Variants in BCL2L13 observed in about 807,000 individuals in gnomAD.
BCL2L13 encodes BCL2 like 13.
Under a neutral mutation model 25.8 loss-of-function variants are expected in BCL2L13, and 13 were observed. The observed-to-expected ratio is 0.50, with a 90% confidence interval of 0.33 to 0.80. The LOEUF (loss-of-function observed/expected upper bound fraction) is 0.80. Ranked by LOEUF, BCL2L13 falls within the 30% of genes least tolerant of loss-of-function variation. BCL2L13 has a pLI of 0.02. For synonymous variants in BCL2L13, 244 were observed against 230.3 expected, an observed-to-expected ratio of 1.06 and a Z score of -0.54; for missense variants, 504 against 574.9, an observed-to-expected ratio of 0.88 and a Z score of 1.26.
intron 1 of BCL2L13, among the ~76,000 whole-genome samples, chr22:17,644,334 CTT>C (rs34881981): frequency 1.9e-4 from 26 of 139,352 alleles, no homozygotes; most frequent in Non-Finnish European, 1.2e-4. Flanking sequence ...TTTAATAATT[CTT>C]TTTTTTTTTT....
chr22:17,693,372 G>GGTTTTT (rs2060166879), intron 4 of BCL2L13, among the ~76,000 whole-genome samples: 1 of 70,612 alleles, frequency 1.4e-5, no homozygotes, highest in Non-Finnish European at 2.7e-5. Flanking sequence ...TTTAGTGTTT[G>GGTTTTT]TTTTTTTTTT....
Position 17,646,716 on chromosome 22 carries a change from C to CTTTTTTT in BCL2L13, c.-51+7845_-51+7851dup, listed in dbSNP as rs10684670. On this transcript the variant is annotated intron_variant, in intron 1 of 6. Coordinates refer to ENST00000317582, the MANE Select transcript of BCL2L13 (RefSeq NM_015367.4). ...TTGAAAAGAATCTTGAAATATCTGT[C>CTTTTTTT]TTTTTTTTTTTTTTTTTTTTTGAGA... Among the ~76,000 whole-genome samples the CTTTTTTT allele has an allele frequency of 1.2e-3, 110 of 89,156 alleles. 4 individuals carry two copies. The highest frequency in any genetic ancestry group is 2.9e-3 in the East Asian group (7 of 2,442). 58.5% of individuals were successfully genotyped at this position (89,156 alleles called of 152,430 possible). A position where few individuals can be genotyped will look rare whatever the true frequency, so the allele number is the denominator to read the frequency against.
chr22:17,663,611 C>T (rs567632934), intron 2 of BCL2L13, among the ~76,000 whole-genome samples: 6 of 151,424 alleles, frequency 4.0e-5, no homozygotes, highest in Non-Finnish European at 7.4e-5. Flanking sequence ...TTCATATTTA[C>T]ATGTTCTATA....
At chr22:17,723,700 C>T (rs533926855) in intron 6 of BCL2L13, among the ~76,000 whole-genome samples, 4 of 152,100 alleles carry the variant, frequency 2.6e-5, no homozygotes, top group African/African-American at 4.8e-5. Flanking sequence ...TTTGGGAGGC[C>T]GAGGTAGGTG....
chr22:17,697,657 A>AT (rs1346752835), intron 5 of BCL2L13, among the ~76,000 whole-genome samples: 2 of 152,146 alleles, frequency 1.3e-5, no homozygotes, highest in Non-Finnish European at 2.9e-5. Flanking sequence ...AACAGCAGCT[A>AT]TTATATTAGC....
intron 5 of BCL2L13, among the ~76,000 whole-genome samples, chr22:17,701,777 T>C (rs2060442338): frequency 6.6e-6 from 1 of 151,944 alleles, no homozygotes; most frequent in Admixed American, 6.6e-5. Context: ...AATACAAAAA[T>C]TAGCCAGGCG....
chr22:17,637,840 C>A (rs1174202219), upstream of BCL2L13, among the ~76,000 whole-genome samples: 4 of 152,160 alleles, frequency 2.6e-5, no homozygotes, highest in African/African-American at 9.7e-5. Flanking sequence ...TTAGAATAGC[C>A]TTGTTGAGAT....
chr22:17,693,537 G>A (rs765311742), intron 4 of BCL2L13, among the ~76,000 whole-genome samples: 2 of 151,332 alleles, frequency 1.3e-5, no homozygotes, highest in African/African-American at 2.4e-5. Flanking sequence ...GCGCCAACAC[G>A]CGCAGCTAAT....
chr22:17,721,305 A>C (rs2061121947), intron 6 of BCL2L13, among the ~76,000 whole-genome samples: 1 of 152,164 alleles, frequency 6.6e-6, no homozygotes, highest in African/African-American at 2.4e-5. Flanking sequence ...GTATCTACTA[A>C]TCTCATGTTC....
intron 1 of BCL2L13, among the ~76,000 whole-genome samples, chr22:17,639,934 A>G (rs2058212237): frequency 6.6e-6 from 1 of 150,848 alleles, no homozygotes; most frequent in Admixed American, 6.6e-5. Context: ...AGCTTACCGC[A>G]ACCTCCGCCT....
chr22:17,671,870 C>T (rs1421628941), intron 2 of BCL2L13, among the ~76,000 whole-genome samples: 2 of 152,140 alleles, frequency 1.3e-5, no homozygotes, highest in South Asian at 2.1e-4. Context: ...CGCGCCATCA[C>T]GCCCAGCCAA....
intron 6 of BCL2L13, chr22:17,706,972 C>G (rs2060611857): frequency 1.2e-5 from 7 of 567,588 alleles, no homozygotes; most frequent in Non-Finnish European, 1.8e-5. Flanking sequence ...TAATCTTTGT[C>G]ATTTTCTCTT....
chr22:17,664,007 C>G (rs1465697726), intron 2 of BCL2L13, among the ~76,000 whole-genome samples: 1 of 152,166 alleles, frequency 6.6e-6, no homozygotes, highest in Non-Finnish European at 1.5e-5. Context: ...CGCCACCATG[C>G]CTGGCTAATT....
rs181367015 is a variant in BCL2L13 at position 17,662,456 on chromosome 22, C to T, written c.121+6624C>T. Among the ~76,000 whole-genome samples the T allele has an allele frequency of 9.2e-5, 14 of 152,088 alleles. No homozygotes were observed. The South Asian group carries it at 1.0e-3, about 11-fold the overall frequency. ...TCGTGCCACTGCACTCCAGCCTAGG[C>T]GACAGAGTGAGACTCCATCTCAAAA... On this transcript the variant is annotated intron_variant, in intron 2 of 6. Coordinates refer to ENST00000317582, the MANE Select transcript of BCL2L13 (RefSeq NM_015367.4).
At chr22:17,686,042 G>A (rs1379498910) in intron 3 of BCL2L13, among the ~76,000 whole-genome samples, 3 of 151,590 alleles carry the variant, frequency 2.0e-5, no homozygotes, top group African/African-American at 7.3e-5. Context: ...AAAGTGCTGG[G>A]ATTACAGGCG....
Position 17,696,091 on chromosome 22 carries a change from T to C in BCL2L13, c.387-50T>C, listed in dbSNP as rs561162060. On this transcript the variant is annotated intron_variant, in intron 4 of 6. Coordinates refer to ENST00000317582, the MANE Select transcript of BCL2L13 (RefSeq NM_015367.4). ...GACTGTATATGTATTCATCTGGAAA[T>C]ACAGAATTTTCCTTCTTTGTGACAC... The C allele has an allele frequency of 3.7e-6, 5 of 1,361,674 alleles. No individual in the cohort carries two copies. In the South Asian group the frequency reaches 5.8e-5, roughly 16 times the overall value. 84.3% of individuals were successfully genotyped at this position (1,361,674 alleles called of 1,614,324 possible). A position where few individuals can be genotyped will look rare whatever the true frequency, so the allele number is the denominator to read the frequency against.
intron 1 of BCL2L13, among the ~76,000 whole-genome samples, chr22:17,629,818 TACACACACACACAC>T (rs3044578): frequency 6.7e-5 from 10 of 148,184 alleles, no homozygotes; most frequent in South Asian, 6.4e-4. Flanking sequence ...TTTATTTTCA[TACACACACACACAC>T]ACACACACAC....
intron 4 of BCL2L13, among the ~76,000 whole-genome samples, chr22:17,692,991 T>G (rs577989972): frequency 2.0e-5 from 3 of 152,308 alleles, no homozygotes; most frequent in African/African-American, 7.2e-5. Context: ...ACGTTTCTAA[T>G]GCTCATTAGC....
At position 17,679,697 on chromosome 22, in the gene BCL2L13, TTA is replaced by T. The variant is rs886390358; in HGVS notation, c.122-3512_122-3511del. Among the ~76,000 whole-genome samples the T allele has an allele frequency of 4.4e-4, 67 of 152,154 alleles. 2 individuals are homozygous for T. Among genetic ancestry groups the T allele is most frequent in the Non-Finnish European group, 8.8e-5 (6 of 68,020 alleles). On this transcript the variant is annotated intron_variant, in intron 2 of 6. Coordinates refer to ENST00000317582, the MANE Select transcript of BCL2L13 (RefSeq NM_015367.4). ...GCAATGTAGGGAGAGCTTGAGCTTT[TTA>T]TATAAGCTTTTAAAGCTTTAAAAGG... is the stretch of plus-strand genomic sequence containing the variant.
Sources: gnomAD v4.1 joint callset for allele counts (sites outside exome capture counted in the v4.1 genomes callset) on GRCh38, gnomAD v4.1.1 for gene constraint, MANE v1.5 for transcripts, NCBI Gene and HGNC (gene_info 2026-07-23, HGNC 2026-07-21) for gene names.